Variants in MYRIP observed in about 807,000 individuals in gnomAD.
MYRIP encodes the protein myosin VIIA and Rab interacting protein.
In MYRIP, 49 loss-of-function variants were observed where a neutral mutation model predicts 98.0. The observed-to-expected ratio is 0.50, with a 90% CI of 0.40 to 0.63. The LOEUF is 0.63. MYRIP is among the 30% of genes least tolerant of loss of function. The pLI, the probability that MYRIP is intolerant of heterozygous loss-of-function variation, is 0.00. For synonymous variants in MYRIP, 404 were observed against 409.5 expected (o/e 0.99, Z 0.16); for missense variants, 1,004 against 1,058.2 (o/e 0.95, Z 0.71).
intron 1 of MYRIP, among the ~76,000 whole-genome samples, chr3:39,876,442 G>T (rs1440685204): frequency 6.6e-6 from 1 of 152,136 alleles, no homozygotes; most frequent in Non-Finnish European, 1.5e-5. Flanking sequence ...AGCCTCGATG[G>T]TCTTTACATT....
intron 2 of MYRIP, among the ~76,000 whole-genome samples, chr3:39,985,843 A>G (rs923221940): frequency 7.2e-5 from 11 of 151,994 alleles, no homozygotes; most frequent in African/African-American, 2.7e-4. Flanking sequence ...TAGACCTAAA[A>G]CCATAAAAAC....
At chr3:40,230,114 C>T (rs1005991733) in intron 11 of MYRIP, among the ~76,000 whole-genome samples, 1 of 152,186 alleles carries the variant, frequency 6.6e-6, no homozygotes, top group African/African-American at 2.4e-5. Context: ...TTCTGCAAAG[C>T]CTCCTATTGT....
chr3:40,166,610 G>C (rs776479633), intron 5 of MYRIP, among the ~76,000 whole-genome samples: 3 of 152,124 alleles, frequency 2.0e-5, no homozygotes, highest in Non-Finnish European at 2.9e-5. Flanking sequence ...GGAGGGAGGA[G>C]GAATGAGATT....
intron 1 of MYRIP, among the ~76,000 whole-genome samples, chr3:39,897,660 C>G (rs895655025): frequency 1.3e-5 from 2 of 152,128 alleles, no homozygotes; most frequent in Non-Finnish European, 2.9e-5. Flanking sequence ...TGGACACGAG[C>G]CTTCTCCAGC....
At chr3:40,201,051 A>G (rs1951546712) in intron 10 of MYRIP, among the ~76,000 whole-genome samples, 1 of 152,244 alleles carries the variant, frequency 6.6e-6, no homozygotes, top group African/African-American at 2.4e-5. Context: ...ATTATGCCTA[A>G]TGTTCCATTA....
intron 10 of MYRIP, among the ~76,000 whole-genome samples, chr3:40,205,489 C>T (rs1264411898): frequency 2.6e-5 from 4 of 152,100 alleles, no homozygotes; most frequent in African/African-American, 7.2e-5. Context: ...TCCCATTACA[C>T]GTACAAATAT....
At chr3:39,953,261 C>A (rs2125720472) in intron 2 of MYRIP, among the ~76,000 whole-genome samples, 1 of 152,246 alleles carries the variant, frequency 6.6e-6, no homozygotes, top group East Asian at 1.9e-4. Flanking sequence ...CACTGAGGTT[C>A]AATAGTTTTA....
intron 2 of MYRIP, among the ~76,000 whole-genome samples, chr3:40,040,987 AAAAAAAG>A (rs762343008): frequency 0.13 from 10,092 of 76,888 alleles, 781 homozygotes; most frequent in Non-Finnish European, 0.19. Context: ...ATAATAAAAA[AAAAAAAG>A]AAAAAAAAAA....
chr3:39,878,135 A>G (rs1038117169), intron 1 of MYRIP, among the ~76,000 whole-genome samples: 4 of 152,202 alleles, frequency 2.6e-5, no homozygotes, highest in African/African-American at 9.6e-5. Flanking sequence ...CCGTGGGCGT[A>G]GGACCCTCCG....
At chr3:39,969,971 C>A (rs1345224747) in intron 2 of MYRIP, among the ~76,000 whole-genome samples, 1 of 152,030 alleles carries the variant, frequency 6.6e-6, no homozygotes, top group East Asian at 1.9e-4. Context: ...GGTTGGTAGG[C>A]TGTTTATTAC....
At chr3:40,135,859 G>C (rs960678725) in intron 3 of MYRIP, among the ~76,000 whole-genome samples, 1 of 152,174 alleles carries the variant, frequency 6.6e-6, no homozygotes, top group African/African-American at 2.4e-5. Context: ...CACCAGGCCT[G>C]CCCCAAAAGA....
rs1279973309 is a variant in MYRIP, at chr3:40,010,792, G to T, written c.111-33258G>T. Among the ~76,000 whole-genome samples the T allele has an allele frequency of 7.2e-5, 11 of 152,194 alleles. No homozygotes were observed. The East Asian group carries it at 1.9e-3, about 27-fold the overall frequency. ...TCTTAGGATGCCTGGTCCTGGTTCT[G>T]GTTCTGGACTTCTTGTGCCATCCTG... On this transcript the variant is annotated intron_variant, in intron 2 of 16. Coordinates refer to ENST00000302541, the MANE Select transcript of MYRIP (RefSeq NM_015460.4).
At chr3:39,990,900 A>T (rs1559551099) in intron 2 of MYRIP, among the ~76,000 whole-genome samples, 1 of 152,192 alleles carries the variant, frequency 6.6e-6, no homozygotes, top group Non-Finnish European at 1.5e-5. Context: ...CTGTCACAAG[A>T]TCAGAAAACC....
intron 9 of MYRIP, among the ~76,000 whole-genome samples, chr3:40,187,357 A>G (rs1475163015): frequency 6.6e-6 from 1 of 152,216 alleles, no homozygotes; most frequent in East Asian, 1.9e-4. Flanking sequence ...TCAGCCCTGC[A>G]TCTGCTTTAA....
At chr3:39,918,865 C>G (rs1222330786) in intron 2 of MYRIP, among the ~76,000 whole-genome samples, 3 of 152,156 alleles carry the variant, frequency 2.0e-5, no homozygotes, top group Non-Finnish European at 4.4e-5. Flanking sequence ...AGACTAACTA[C>G]AGCTGTAGCA....
At chr3:40,133,431 T>C (rs546960825) in intron 3 of MYRIP, among the ~76,000 whole-genome samples, 6 of 152,238 alleles carry the variant, frequency 3.9e-5, no homozygotes, top group Non-Finnish European at 8.8e-5. Flanking sequence ...TCTTGATGGA[T>C]GCTTAACTTA....
intron 1 of MYRIP, among the ~76,000 whole-genome samples, chr3:39,855,013 C>T (rs888842346): frequency 6.6e-6 from 1 of 152,166 alleles, no homozygotes; most frequent in African/African-American, 2.4e-5. Context: ...GTCTCCCAGC[C>T]ATGGATACCA....
intron 1 of MYRIP, among the ~76,000 whole-genome samples, chr3:39,890,612 A>G (rs1943460036): frequency 1.3e-5 from 2 of 149,180 alleles, no homozygotes; most frequent in Non-Finnish European, 3.0e-5. Context: ...TCATAGGGGT[A>G]GGGGCTGTGG....
At chr3:39,999,074 C>T (rs1156493915) in intron 2 of MYRIP, among the ~76,000 whole-genome samples, 11 of 152,216 alleles carry the variant, frequency 7.2e-5, no homozygotes, top group Admixed American at 6.5e-4. Flanking sequence ...CCATAAAAAC[C>T]CTAGAAGAAA....
Sources: gnomAD v4.1 joint callset for allele counts (sites outside exome capture counted in the v4.1 genomes callset) on GRCh38, gnomAD v4.1.1 for gene constraint, MANE v1.5 for transcripts, NCBI Gene and HGNC (gene_info 2026-07-23, HGNC 2026-07-21) for gene names.